Variants in JAKMIP3 observed in about 807,000 individuals in gnomAD.
JAKMIP3 encodes Janus kinase and microtubule interacting protein 3, also known as janus kinase and microtubule-interacting protein 3.
JAKMIP3 carries 58 observed loss-of-function variants against 118.5 expected under a neutral mutation model. The observed-to-expected ratio is 0.49, with a 90% CI of 0.40 to 0.61. The LOEUF (loss-of-function observed/expected upper bound fraction) is 0.61. Among genes scored for constraint, JAKMIP3 ranks in the 20% least tolerant of loss-of-function variants. The pLI is 0.00. For missense variants in JAKMIP3, 950 were observed against 1,109.0 expected, an observed-to-expected ratio of 0.86 and a Z score of 2.04; for synonymous variants, 486 against 451.2, an observed-to-expected ratio of 1.08 and a Z score of -0.98.
At position 132,150,033 on chromosome 10, in the gene JAKMIP3, G is replaced by T. The variant is rs199769239; in HGVS notation, c.1999G>T (p.Ala667Ser). The T allele has an allele frequency of 1.3e-6, 2 of 1,585,258 alleles. No individual in the cohort carries two copies. The highest frequency in any genetic ancestry group is 8.6e-7 in the Non-Finnish European group (1 of 1,166,784). Residue 667 changes from alanine (A) to serine (S), a missense_variant, in exon 16 of 24, where the codon GCC (alanine) becomes TCC (serine). Physicochemically the swap from Ala to Ser is moderately conservative, Grantham distance 99. Coordinates refer to ENST00000684848, the MANE Select transcript of JAKMIP3 (RefSeq NM_001323087.2). The part of the protein sequence containing the change: ...MKKLDILGDN[A>S]VSNLTNEEQV... ...GAAGCTGGACATCCTGGGCGATAAC[G>T]CCGTAAGTGTATGTCGCTCTCCTGG...
At chr10:132,038,400 G>T (rs752810325) in intron 1 of JAKMIP3, among the ~76,000 whole-genome samples, 3 of 152,168 alleles carry the variant, frequency 2.0e-5, no homozygotes, top group South Asian at 2.1e-4. Flanking sequence ...CCACAAGTGT[G>T]CATGCATGAC....
In JAKMIP3 at chr10:132,044,338, G is replaced by A. The variant is rs888659524; in HGVS notation, c.-138+7600G>A. On this transcript the variant is annotated intron_variant, in intron 1 of 23. Transcript: ENST00000657785. The surrounding 1 kb of genome is among the most constrained non-coding windows in gnomAD (Gnocchi z 5.3). ...CCTGCTGGGAGTGGCCAGTGGCTGA[G>A]ACAGACACAACTTCAGCCGTCGTGC... Among the ~76,000 whole-genome samples, 3 of 152,252 alleles carry A rather than the reference G, an allele frequency of 2.0e-5. No homozygotes were observed. Among genetic ancestry groups the A allele is most frequent in the Non-Finnish European group, 2.9e-5 (2 of 68,052 alleles).
At chr10:132,177,016 G>C (rs1337009480) in intron 23 of JAKMIP3, among the ~76,000 whole-genome samples, 1 of 152,156 alleles carries the variant, frequency 6.6e-6, no homozygotes, top group Non-Finnish European at 1.5e-5. Flanking sequence ...TTTCTCAAAT[G>C]TTACTGGGTG....
chr10:132,078,633 G>T (rs1363259764), intron 1 of JAKMIP3, among the ~76,000 whole-genome samples: 1 of 140,046 alleles, frequency 7.1e-6, no homozygotes, highest in Non-Finnish European at 1.5e-5. Context: ...GGGGGGGGGG[G>T]GTCCCGTTTC....
chr10:132,147,467 A>C (rs1301640221), intron 13 of JAKMIP3, among the ~76,000 whole-genome samples: 1 of 152,214 alleles, frequency 6.6e-6, no homozygotes, highest in Non-Finnish European at 1.5e-5. Context: ...TCCGGTGGCC[A>C]GGCAGCCGTG....
intron 1 of JAKMIP3, among the ~76,000 whole-genome samples, chr10:132,069,464 A>G (rs1293100186): frequency 1.3e-5 from 2 of 152,138 alleles, no homozygotes; most frequent in East Asian, 1.9e-4. Flanking sequence ...GACCCCCCAG[A>G]CAACCTTCTC....
At position 132,167,981 on chromosome 10, in the gene JAKMIP3, C is replaced by T; in HGVS notation, c.*51C>T. ...CACATTGAATCGGACCCTTTTCCTC[C>T]AGTGGGACCAGAAAGCAGGGACAAA... On this transcript the variant is annotated 3_prime_UTR_variant, in exon 23 of 24. Transcript: ENST00000684848. 2 of 1,289,592 alleles carry T rather than the reference C, an allele frequency of 1.6e-6. No individual in the cohort carries two copies. The allele number at this position is 1,289,592 out of a possible 1,614,324, so 79.9% of individuals were successfully genotyped here. A position where few individuals can be genotyped will look rare whatever the true frequency, so the allele number is the denominator to read the frequency against.
intron 1 of JAKMIP3, among the ~76,000 whole-genome samples, chr10:132,099,238 G>A (rs4880331): frequency 0.52 from 79,383 of 151,836 alleles, 20,979 homozygotes; most frequent in Non-Finnish European, 0.56. Context: ...CCTCGTCAGC[G>A]ACACTGAGGT....
intron 16 of JAKMIP3, among the ~76,000 whole-genome samples, chr10:132,150,881 T>C (rs2056041321): frequency 6.6e-6 from 1 of 152,100 alleles, no homozygotes; most frequent in Admixed American, 6.5e-5. Context: ...TCATCCTTCA[T>C]CTATCCTTCA....
chr10:132,067,922 G>C (rs1589737762), intron 1 of JAKMIP3, among the ~76,000 whole-genome samples: 1 of 149,434 alleles, frequency 6.7e-6, no homozygotes, highest in Middle Eastern at 3.8e-3. Flanking sequence ...CTGGGCTTCT[G>C]TGTGGACTGT....
At position 132,083,522 on chromosome 10, in the gene JAKMIP3, G is replaced by C. The variant is rs554081911; in HGVS notation, c.-138+17461G>C. On this transcript the variant is annotated intron_variant, in intron 1 of 23. Coordinates refer to ENST00000684848, the MANE Select transcript of JAKMIP3 (RefSeq NM_001323087.2). ...TGACTGTTCCTTTTGCTATGCAAAAGCTCTTTAGTTTAATTAAGTCACAGC... is the reference window on the plus strand; with the variant it reads ...TGACTGTTCCTTTTGCTATGCAAAACCTCTTTAGTTTAATTAAGTCACAGC... Among the ~76,000 whole-genome samples the C allele has an allele frequency of 2.4e-4, 36 of 152,196 alleles. No homozygotes were observed. The South Asian group carries it at 3.7e-3, about 16-fold the overall frequency.
rs1476200420 is a variant in JAKMIP3 at position 132,184,497 on chromosome 10, A to ATATT, written c.*3246_*3249dup. On this transcript the variant is annotated 3_prime_UTR_variant, in exon 24 of 24. Coordinates refer to ENST00000684848, the MANE Select transcript of JAKMIP3 (RefSeq NM_001323087.2). ...ATTGTGAATATAGGTATCAAATCAT[A>ATATT]TATTTGTTTACTGTATATTTTTTAA... 2 of 152,224 alleles carry ATATT rather than the reference A, an allele frequency of 1.3e-5. No homozygotes were observed. The highest frequency in any genetic ancestry group is 2.4e-5 in the African/African-American group (1 of 41,446). 9.4% of individuals were successfully genotyped at this position (152,224 alleles called of 1,614,324 possible).
At chr10:132,048,209 G>A (rs1172081737) in intron 1 of JAKMIP3, among the ~76,000 whole-genome samples, 1 of 152,246 alleles carries the variant, frequency 6.6e-6, no homozygotes, top group Non-Finnish European at 1.5e-5. Context: ...CGGGGAAGGG[G>A]CTTCCTTTTG....
intron 1 of JAKMIP3, among the ~76,000 whole-genome samples, chr10:132,104,038 C>T (rs1391520143): frequency 1.3e-5 from 2 of 152,214 alleles, no homozygotes; most frequent in Admixed American, 1.3e-4. Context: ...ATCCTCCTGT[C>T]ATAGCGTGTG....
At chr10:132,041,303 T>A (rs989930269) in intron 1 of JAKMIP3, among the ~76,000 whole-genome samples, 2 of 152,190 alleles carry the variant, frequency 1.3e-5, no homozygotes, top group African/African-American at 4.8e-5. Flanking sequence ...GGAGTGCATA[T>A]GTTTCAGGGA....
At chr10:132,125,441 C>T (rs891618905) in intron 3 of JAKMIP3, among the ~76,000 whole-genome samples, 2 of 152,280 alleles carry the variant, frequency 1.3e-5, no homozygotes, top group African/African-American at 4.8e-5. Context: ...CTCCGCCTTG[C>T]GGCGTTAGTA....
Position 132,104,819 on chromosome 10 carries a change from G to C in JAKMIP3, c.11G>C (p.Arg4Thr). ...CCATCCAGCCTCACCATGTCCAAGA[G>C]GGGCATGAGCAGCCGGGCCAAGGGG... MSK[R>T]GMSSRAKGDK... Residue 4 changes from arginine (R) to threonine (T), a missense_variant, in exon 2 of 24, where the codon AGG becomes ACG. Coordinates refer to ENST00000684848, the MANE Select transcript of JAKMIP3 (RefSeq NM_001323087.2). 1 of 1,552,040 alleles carries C rather than the reference G, an allele frequency of 6.4e-7. No homozygotes were observed. The highest frequency in any genetic ancestry group is 8.7e-7 in the Non-Finnish European group (1 of 1,147,620).
intron 19 of JAKMIP3, among the ~76,000 whole-genome samples, chr10:132,159,691 T>TG (rs2057729510): frequency 1.0e-5 from 1 of 97,536 alleles, no homozygotes; most frequent in Non-Finnish European, 2.0e-5. Context: ...TATGTGATGC[T>TG]CAGGGGGCCT....
At chr10:132,160,996 GGGGGGGGCCTCTCACTGTGTGATGCT>G (rs2058144805) in intron 19 of JAKMIP3, among the ~76,000 whole-genome samples, 5 of 2,680 alleles carry the variant, frequency 1.9e-3, no homozygotes, top group African/African-American at 4.8e-3. Context: ...GTGTGATGCT[GGGGGGGGCCTCTCACTGTGTGATGCT>G]GGGGGGGCCT....
Sources: gnomAD v4.1 joint callset for allele counts (sites outside exome capture counted in the v4.1 genomes callset) on GRCh38, gnomAD v4.1.1 for gene constraint, Gnocchi (gnomAD v3.1) non-coding constraint, MANE v1.5 for transcripts, NCBI Gene and HGNC (gene_info 2026-07-23, HGNC 2026-07-21) for gene names.